The following ANKRD18B variants were observed in gnomAD, a reference collection of about 807,000 sequenced individuals.
ANKRD18B encodes ankyrin repeat domain-containing protein 18B.
In ANKRD18B, 75 loss-of-function variants were observed where a neutral mutation model predicts 111.8. That is an observed-to-expected ratio of 0.67 (90% CI 0.56 to 0.81). The LOEUF is 0.81. ANKRD18B is among the 40% of genes least tolerant of loss of function. The probability of loss-of-function intolerance (pLI) is 0.00; values close to 1 mark genes in which losing one functional copy is unlikely to be tolerated. For missense variants in ANKRD18B, 1,038 were observed against 1,225.5 expected, an observed-to-expected ratio of 0.85 and a Z score of 2.28; for synonymous variants, 356 against 417.3, an observed-to-expected ratio of 0.85 and a Z score of 1.79.
In ANKRD18B at chr9:33,530,246, T is replaced by G. The variant is rs555315499; in HGVS notation, c.495+1073T>G. ...GGAAATTTTGTTAAAAGTCTACAAG[T>G]GTAGGCTTTCCCCTGAGGATTTTGA... is the stretch of plus-strand genomic sequence containing the variant. On this transcript the variant is annotated intron_variant, in intron 3 of 18. Coordinates refer to ENST00000684830, the MANE Select transcript of ANKRD18B (RefSeq NM_001393611.1). Among the ~76,000 whole-genome samples, 71 of 152,314 alleles carry G rather than the reference T, an allele frequency of 4.7e-4. 3 individuals carry two copies. The South Asian group carries it at 0.014, about 30-fold the overall frequency.
chr9:33,547,880 A>G (rs751064667), intron 10 of ANKRD18B, 58 bp from the exon 11 acceptor site: 13 of 1,212,198 alleles, frequency 1.1e-5, no homozygotes, highest in Non-Finnish European at 1.4e-5. Flanking sequence ...TTCACTTCAG[A>G]AATAACCATC....
At chr9:33,535,781 ATAT>A (rs139355945) in intron 5 of ANKRD18B, among the ~76,000 whole-genome samples, 24,310 of 145,468 alleles carry the variant, frequency 0.17, 2,213 homozygotes, top group East Asian at 0.31. Context: ...ATCATTATAA[ATAT>A]TATATATAAT....
intron 10 of ANKRD18B, among the ~76,000 whole-genome samples, chr9:33,545,447 G>T (rs992194109): frequency 2.0e-5 from 3 of 152,194 alleles, no homozygotes; most frequent in Non-Finnish European, 4.4e-5. Context: ...CATGTGATAC[G>T]AATAGAAAGC....
intron 15 of ANKRD18B, 124 bp downstream of exon 15, chr9:33,566,624 A>C (rs1193645291): frequency 5.0e-6 from 6 of 1,210,686 alleles, no homozygotes; most frequent in Non-Finnish European, 6.7e-6. Flanking sequence ...TCCTTTGTAG[A>C]GCTCTAGAAA....
chr9:33,560,337 G>C (rs577963321), intron 14 of ANKRD18B, among the ~76,000 whole-genome samples: 4 of 152,358 alleles, frequency 2.6e-5, no homozygotes, highest in African/African-American at 7.2e-5. Context: ...CTCTGCATAA[G>C]GCATGAATTC....
Position 33,548,148 on chromosome 9 carries a change from A to T in ANKRD18B, c.1360A>T (p.Lys454Ter). 1 of 1,535,690 alleles carries T rather than the reference A, an allele frequency of 6.5e-7. No individual in the cohort carries two copies. Among genetic ancestry groups the T allele is most frequent in the Non-Finnish European group, 8.8e-7 (1 of 1,141,526 alleles). ...ACTCAATGAAGAAATGATAACAAAA[A>T]AAGTGGCCCAGTATTCGCAACAGCT... Reference protein sequence around the residue: ...VRLNEEMITKKVAQYSQQLND... With the variant: ...VRLNEEMITK Residue 454 changes from lysine to a stop codon, truncating the protein, a stop_gained, in exon 11 of 19, where the codon AAA (lysine) becomes TAA (stop). Transcript: ENST00000684830. LOFTEE classifies it high-confidence loss of function.
intron 1 of ANKRD18B, among the ~76,000 whole-genome samples, chr9:33,527,909 GC>G (rs1456059459): frequency 6.6e-6 from 1 of 152,174 alleles, no homozygotes; most frequent in Non-Finnish European, 1.5e-5. Flanking sequence ...TATGAGATAT[GC>G]TAAAATGTGA....
Position 33,525,642 on chromosome 9 carries a change from G to T in ANKRD18B, c.206+947G>T, listed in dbSNP as rs1168237365. ...GGCCTTCCTAAGAATGACCTCACAA[G>T]CAGGCATTCTGAAGGTTGATTTAGC... On this transcript the variant is annotated intron_variant, in intron 1 of 18. Transcript: ENST00000684830. Among the ~76,000 whole-genome samples, 7 of 151,936 alleles carry T rather than the reference G, an allele frequency of 4.6e-5. No homozygotes were observed. The South Asian group carries it at 1.5e-3, about 32-fold the overall frequency.
intron 16 of ANKRD18B, among the ~76,000 whole-genome samples, chr9:33,568,097 G>T (rs1828714456): frequency 6.6e-6 from 1 of 152,198 alleles, no homozygotes; most frequent in African/African-American, 2.4e-5. Flanking sequence ...ATTCCTCAGT[G>T]CCAAATACTT....
chr9:33,528,898 A>G (rs1373438862), intron 2 of ANKRD18B, 57 bp downstream of exon 2: 4 of 1,563,360 alleles, frequency 2.6e-6, no homozygotes, highest in Non-Finnish European at 1.7e-6. Context: ...TAGAATTAAA[A>G]TGAATTTGTC....
intron 14 of ANKRD18B, among the ~76,000 whole-genome samples, chr9:33,564,154 C>T (rs1255545750): frequency 9.2e-5 from 14 of 152,300 alleles, no homozygotes; most frequent in African/African-American, 3.4e-4. Flanking sequence ...GTAGAGATGT[C>T]TTTCTATGTT....
intron 11 of ANKRD18B, 77 bp from the exon 12 acceptor site, chr9:33,550,353 T>C (rs896828034): frequency 3.6e-6 from 5 of 1,370,366 alleles, no homozygotes; most frequent in African/African-American, 2.9e-5. Context: ...TTTCAAAGTA[T>C]GTATGCTAGA....
intron 8 of ANKRD18B, among the ~76,000 whole-genome samples, chr9:33,540,653 T>C (rs1232699677): frequency 6.6e-6 from 1 of 151,978 alleles, no homozygotes. Flanking sequence ...AAAGCTGGGA[T>C]TGGCAAGCTT....
intron 13 of ANKRD18B, among the ~76,000 whole-genome samples, chr9:33,557,730 G>C (rs1828547017): frequency 6.6e-6 from 1 of 152,078 alleles, no homozygotes; most frequent in Admixed American, 6.6e-5. Flanking sequence ...AGAAGTTGCA[G>C]TGAGCCGTGA....
At chr9:33,574,254 CGTGGGGACTTGGTCA>C (rs1828827001), downstream of ANKRD18B, 2 of 163,828 alleles carry the variant, frequency 1.2e-5, no homozygotes, top group South Asian at 4.0e-4. Context: ...AGACATGGTC[CGTGGGGACTTGGTCA>C]GTGGGGCCTG....
At chr9:33,563,909 A>G (rs1318524349) in intron 14 of ANKRD18B, among the ~76,000 whole-genome samples, 2 of 152,322 alleles carry the variant, frequency 1.3e-5, no homozygotes, top group Admixed American at 6.5e-5. Context: ...TTCTGTATCC[A>G]TTAACCAGAC....
chr9:33,572,300 T>C lies in ANKRD18B; in HGVS notation c.3224-16T>C. 1 of 1,593,330 alleles carries C rather than the reference T, an allele frequency of 6.3e-7. No individual in the cohort carries two copies. Among genetic ancestry groups the C allele is most frequent in the Non-Finnish European group, 8.6e-7 (1 of 1,163,566 alleles). On this transcript the variant is annotated splice_polypyrimidine_tract_variant and intron_variant, in intron 18 of 18. Transcript: ENST00000684830. ...TGTTTTAGGTAAAGAACATAATCCT[T>C]TCTTTTTCTTTCCAGCTTTTGCTGC...
chr9:33,530,464 C>CG (rs1185412814), intron 3 of ANKRD18B, among the ~76,000 whole-genome samples: 1 of 143,522 alleles, frequency 7.0e-6, no homozygotes. Context: ...CTGGCTAACA[C>CG]GGTGAAACCC....
intron 12 of ANKRD18B, among the ~76,000 whole-genome samples, chr9:33,555,506 A>G: frequency 6.6e-6 from 1 of 152,218 alleles, no homozygotes; most frequent in Non-Finnish European, 1.5e-5. Context: ...CAGAAAAGGT[A>G]ATGATGAAAG....
Sources: allele counts gnomAD v4.1 joint callset (sites outside exome capture counted in the v4.1 genomes callset), GRCh38; gene constraint gnomAD v4.1.1; transcripts MANE v1.5; gene names NCBI Gene and HGNC (gene_info 2026-07-23, HGNC 2026-07-21).